CHN1: variants seen among roughly 807,000 people sequenced by gnomAD.
CHN1 encodes the protein chimerin 1.
A neutral mutation model predicts 59.5 loss-of-function variants in CHN1; 37 were observed. The observed-to-expected ratio is 0.62, with a 90% CI of 0.48 to 0.82. The LOEUF (loss-of-function observed/expected upper bound fraction) is 0.82, where lower values mean the gene tolerates loss of function less well. CHN1 is among the 40% of genes least tolerant of loss of function. CHN1 has a pLI of 0.00. For missense variants in CHN1, 469 were observed against 571.0 expected, an observed-to-expected ratio of 0.82 and a Z score of 1.82; for synonymous variants, 206 against 200.4, an observed-to-expected ratio of 1.03 and a Z score of -0.24.
chr2:174,836,211 C>A (rs1686071794), intron 7 of CHN1, among the ~76,000 whole-genome samples: 1 of 152,154 alleles, frequency 6.6e-6, no homozygotes, highest in South Asian at 2.1e-4. Flanking sequence ...TCTTAAGAAT[C>A]ATTTTGTTTG....
intron 1 of CHN1, among the ~76,000 whole-genome samples, chr2:174,985,340 CAAGAGTAAAA>C (rs975123025): frequency 1.3e-5 from 2 of 152,024 alleles, no homozygotes; most frequent in African/African-American, 4.8e-5. Context: ...GTCAAATATA[CAAGAGTAAAA>C]AAGAAGCCTA....
At chr2:174,956,787 AGAAT>A (rs1191892025) in intron 1 of CHN1, among the ~76,000 whole-genome samples, 1 of 148,742 alleles carries the variant, frequency 6.7e-6, no homozygotes, top group Non-Finnish European at 1.5e-5. Flanking sequence ...AAAAAAAAAA[AGAAT>A]GAATAACAGA....
In CHN1 at chr2:174,825,855, T is replaced by A. The variant is rs576660370; in HGVS notation, c.628-1337A>T. On this transcript the variant is annotated intron_variant, in intron 7 of 12. Coordinates refer to ENST00000409900, the MANE Select transcript of CHN1 (RefSeq NM_001822.7). ...ACCATAAATGTAAGACATACCATTA[T>A]GTGTTCAATTTAGAAAAACCATGCC... is the stretch of plus-strand genomic sequence containing the variant. Among the ~76,000 whole-genome samples, 5 of 152,354 alleles carry A rather than the reference T, an allele frequency of 3.3e-5. No individual in the cohort carries two copies. In the East Asian group the frequency reaches 9.6e-4, roughly 29 times the overall value.
chr2:175,000,276 G>A (rs1461744184), intron 1 of CHN1, among the ~76,000 whole-genome samples: 1 of 151,636 alleles, frequency 6.6e-6, no homozygotes, highest in Non-Finnish European at 1.5e-5. Context: ...AGAGTAGCTG[G>A]GACTACAAGC....
intron 7 of CHN1, among the ~76,000 whole-genome samples, chr2:174,832,657 G>T (rs1221403546): frequency 6.6e-6 from 1 of 152,018 alleles, no homozygotes; most frequent in African/African-American, 2.4e-5. Context: ...ATTCTGTTGT[G>T]GTTGGAGGAT....
intron 2 of CHN1, among the ~76,000 whole-genome samples, chr2:174,945,722 T>A (rs1407698308): frequency 1.3e-5 from 2 of 152,114 alleles, no homozygotes; most frequent in African/African-American, 4.8e-5. Flanking sequence ...ATACTCTAAA[T>A]ACTTAAGATA....
intron 2 of CHN1, 40 bp from the exon 3 acceptor site, chr2:174,944,983 C>A: frequency 7.1e-7 from 1 of 1,402,926 alleles, no homozygotes; most frequent in Non-Finnish European, 9.9e-7. Flanking sequence ...ATGTCCCTTA[C>A]ATAGAACTTA....
intron 1 of CHN1, among the ~76,000 whole-genome samples, chr2:174,994,640 A>C (rs745961704): frequency 6.6e-5 from 10 of 152,260 alleles, no homozygotes; most frequent in Non-Finnish European, 1.3e-4. Context: ...GGTAACGCAC[A>C]AAGGAAGGCC....
intron 5 of CHN1, among the ~76,000 whole-genome samples, chr2:174,887,081 T>G (rs1483066404): frequency 6.6e-6 from 1 of 152,226 alleles, no homozygotes; most frequent in African/African-American, 2.4e-5. Flanking sequence ...ATAACATGTA[T>G]TCTTTTGTGC....
chr2:174,913,099 T>C (rs887061386), intron 5 of CHN1, among the ~76,000 whole-genome samples: 12 of 152,192 alleles, frequency 7.9e-5, no homozygotes, highest in African/African-American at 2.4e-4. Context: ...CCTTCAAGTA[T>C]TTGCTGGTAT....
At chr2:174,998,249 T>C (rs996719190) in intron 1 of CHN1, among the ~76,000 whole-genome samples, 3 of 139,700 alleles carry the variant, frequency 2.1e-5, no homozygotes, top group African/African-American at 8.1e-5. Flanking sequence ...GTTGCAGTGA[T>C]CTGAGATTGC....
At chr2:174,812,902 G>A (rs1209602018) in intron 8 of CHN1, among the ~76,000 whole-genome samples, 1 of 152,100 alleles carries the variant, frequency 6.6e-6, no homozygotes, top group Non-Finnish European at 1.5e-5. Flanking sequence ...TCCAAAAGTA[G>A]GAATATCCAG....
intron 1 of CHN1, among the ~76,000 whole-genome samples, chr2:174,982,633 G>A (rs1356403371): frequency 6.6e-6 from 1 of 151,978 alleles, no homozygotes; most frequent in Admixed American, 6.6e-5. Context: ...ACCCAGAAAT[G>A]TCCCCCAGTA....
Position 174,931,132 on chromosome 2 carries a change from GC to G in CHN1, c.115-12568del, listed in dbSNP as rs1168744038. Among the ~76,000 whole-genome samples, 751 of 113,400 alleles carry G rather than the reference GC, an allele frequency of 6.6e-3. 4 individuals carry two copies. Among genetic ancestry groups the G allele is most frequent in the African/African-American group, 0.027 (710 of 26,632 alleles). The allele number at this position is 113,400 out of a possible 152,430, so 74.4% of individuals were successfully genotyped here. On this transcript the variant is annotated intron_variant, in intron 3 of 12. Coordinates refer to ENST00000409900, the MANE Select transcript of CHN1 (RefSeq NM_001822.7). ...AAGACCACTTCAAAAGAAATATATG[GC>G]AAAAAAAAAAAAATAGCCTTTGAGT...
chr2:174,821,780 C>T (rs1574055299), intron 8 of CHN1: 2 of 448,150 alleles, frequency 4.5e-6, no homozygotes, highest in East Asian at 1.5e-4. Flanking sequence ...GCCTCCAGAA[C>T]TGTGAGAAAT....
At chr2:174,973,656 C>A (rs370308876) in intron 1 of CHN1, among the ~76,000 whole-genome samples, 2 of 152,142 alleles carry the variant, frequency 1.3e-5, no homozygotes, top group African/African-American at 4.8e-5. Flanking sequence ...TCAGGACTGA[C>A]GATGTGGACC....
intron 1 of CHN1, among the ~76,000 whole-genome samples, chr2:174,978,549 T>C (rs919917586): frequency 6.6e-6 from 1 of 152,230 alleles, no homozygotes; most frequent in African/African-American, 2.4e-5. Context: ...ACCTACTTAC[T>C]ACACAGGTAA....
At chr2:174,960,377 T>C (rs539926447) in intron 1 of CHN1, among the ~76,000 whole-genome samples, 7 of 152,346 alleles carry the variant, frequency 4.6e-5, no homozygotes, top group East Asian at 1.9e-4. Flanking sequence ...AGTTTGAAGA[T>C]ACCTGGACTA....
chr2:174,800,654 A>T (rs1684690520), intron 12 of CHN1, among the ~76,000 whole-genome samples: 2 of 152,144 alleles, frequency 1.3e-5, no homozygotes, highest in Admixed American at 1.3e-4. Flanking sequence ...CCCTCCCTTC[A>T]CTCTGGCTGT....
Sources: gnomAD v4.1 joint callset for allele counts (sites outside exome capture counted in the v4.1 genomes callset) on GRCh38, gnomAD v4.1.1 for gene constraint, MANE v1.5 for transcripts, NCBI Gene and HGNC (gene_info 2026-07-23, HGNC 2026-07-21) for gene names.